Variants in SNRPD1 observed in about 807,000 individuals in gnomAD.
The protein encoded by SNRPD1 is small nuclear ribonucleoprotein D1 polypeptide.
Under a neutral mutation model 14.4 loss-of-function variants are expected in SNRPD1, and 1 was observed. The ratio of observed to expected loss-of-function variants is 0.07; its 90% confidence interval spans 0.02 to 0.33. The LOEUF (loss-of-function observed/expected upper bound fraction) is 0.33. SNRPD1 is among the 10% of genes least tolerant of loss of function. The probability of loss-of-function intolerance (pLI) is 1.00; values close to 1 mark genes in which losing one functional copy is unlikely to be tolerated. For synonymous variants in SNRPD1, 42 were observed against 50.3 expected (o/e 0.83, Z 0.70); for missense variants, 52 against 146.4 (o/e 0.36, Z 3.33).
At chr18:21,614,913 C>G (rs970534984) in intron 1 of SNRPD1, among the ~76,000 whole-genome samples, 2 of 152,214 alleles carry the variant, frequency 1.3e-5, no homozygotes, top group Non-Finnish European at 2.9e-5. Flanking sequence ...TCATTCCAGT[C>G]ACCACCATTA....
chr18:21,617,581 G>A (rs983527317), intron 1 of SNRPD1, among the ~76,000 whole-genome samples: 2 of 152,128 alleles, frequency 1.3e-5, no homozygotes, highest in African/African-American at 4.8e-5. Flanking sequence ...ATATGAGCCT[G>A]GTACTCCACT....
At chr18:21,612,940 C>G (rs1370325077) in intron 1 of SNRPD1, among the ~76,000 whole-genome samples, 1 of 152,180 alleles carries the variant, frequency 6.6e-6, no homozygotes, top group African/African-American at 2.4e-5. Context: ...TGGGCTCAAG[C>G]TTTCTGCCCG....
rs1349929445 is a variant in SNRPD1 at position 21,630,178 on chromosome 18, T to C, written c.*1040T>C. ...CTCCTATTAATGTGTAATGTACCTG[T>C]CAGTGCCTCCTTTATTAAGGGGTTC... On this transcript the variant is annotated 3_prime_UTR_variant, in exon 4 of 4. Transcript: ENST00000300413. 3 of 152,202 alleles carry C rather than the reference T, an allele frequency of 2.0e-5. No individual in the cohort carries two copies. The highest frequency in any genetic ancestry group is 4.4e-5 in the Non-Finnish European group (3 of 68,032). The allele number at this position is 152,202 out of a possible 1,614,324, so 9.4% of individuals were successfully genotyped here.
At chr18:21,619,012 TA>T (rs1436999588) in intron 1 of SNRPD1, among the ~76,000 whole-genome samples, 5 of 151,964 alleles carry the variant, frequency 3.3e-5, no homozygotes, top group Non-Finnish European at 7.3e-5. Context: ...ATTCAAAGTA[TA>T]TATTATAGAC....
intron 1 of SNRPD1, among the ~76,000 whole-genome samples, chr18:21,615,920 A>T (rs2038953890): frequency 6.6e-6 from 1 of 152,198 alleles, no homozygotes. Context: ...TTGTTTGCTC[A>T]GTCTTTAATT....
In SNRPD1 at chr18:21,612,323, C is replaced by A; in HGVS notation, c.-107C>A. 2.6e-6 allele frequency: 2 copies of A among 783,086 alleles called. No individual in the cohort carries two copies. Among genetic ancestry groups the A allele is most frequent in the Non-Finnish European group, 3.9e-6 (2 of 510,772 alleles). 48.5% of individuals were successfully genotyped at this position (783,086 alleles called of 1,614,324 possible). On this transcript the variant is annotated 5_prime_UTR_variant, in exon 1 of 4. Coordinates refer to ENST00000300413, the MANE Select transcript of SNRPD1 (RefSeq NM_006938.4). ...CAGTGCTCCGCGCGCTCTTGACGTCCGGAGCCCCTGGAGTAGGCGCTTCCG... is the reference window on the plus strand; with the variant it reads ...CAGTGCTCCGCGCGCTCTTGACGTCAGGAGCCCCTGGAGTAGGCGCTTCCG...
intron 1 of SNRPD1, among the ~76,000 whole-genome samples, chr18:21,620,301 T>C (rs1353811322): frequency 6.6e-6 from 1 of 151,952 alleles, no homozygotes; most frequent in Admixed American, 6.6e-5. Context: ...GGATCTTGCT[T>C]TGTTGACCAG....
intron 1 of SNRPD1, among the ~76,000 whole-genome samples, chr18:21,622,474 T>A (rs983134206): frequency 6.6e-6 from 1 of 152,174 alleles, no homozygotes; most frequent in African/African-American, 2.4e-5. Flanking sequence ...GAGTCTAAGA[T>A]CTTGTATGTC....
At position 21,631,651 on chromosome 18, in the gene SNRPD1, C is replaced by G. The variant is rs2039085737; in HGVS notation, c.*2513C>G. 2 of 151,936 alleles carry G rather than the reference C, an allele frequency of 1.3e-5. No individual in the cohort carries two copies. Among genetic ancestry groups the G allele is most frequent in the African/African-American group, 4.8e-5 (2 of 41,326 alleles). 9.4% of individuals were successfully genotyped at this position (151,936 alleles called of 1,614,324 possible). On this transcript the variant is annotated 3_prime_UTR_variant, in exon 4 of 4. Transcript: ENST00000300413. ...CGGGGTTTCACTGTGTTAGGATGGT[C>G]TCGTTCTCCTGACCTCATGATCTGC...
chr18:21,622,527 T>A (rs1044147767), intron 1 of SNRPD1, among the ~76,000 whole-genome samples, 198 bp from the exon 2 acceptor site: 2 of 152,216 alleles, frequency 1.3e-5, no homozygotes, highest in African/African-American at 4.8e-5. Context: ...AATGACAGTT[T>A]ATGTTAGTAT....
At chr18:21,621,034 G>T (rs1408279072) in intron 1 of SNRPD1, among the ~76,000 whole-genome samples, 2 of 151,964 alleles carry the variant, frequency 1.3e-5, no homozygotes, top group Non-Finnish European at 2.9e-5. Context: ...CAGGTGTGGT[G>T]GCGAGCGCCT....
intron 1 of SNRPD1, among the ~76,000 whole-genome samples, chr18:21,617,945 A>G (rs545716224): frequency 6.6e-6 from 1 of 152,258 alleles, no homozygotes; most frequent in Admixed American, 6.5e-5. Context: ...AGATTGCGCT[A>G]TTGCACTCCA....
At chr18:21,621,066 G>C (rs2038994003) in intron 1 of SNRPD1, among the ~76,000 whole-genome samples, 1 of 152,044 alleles carries the variant, frequency 6.6e-6, no homozygotes, top group Admixed American at 6.6e-5. Context: ...TACTCGGGAG[G>C]CTGAGGCAGG....
intron 1 of SNRPD1, among the ~76,000 whole-genome samples, chr18:21,619,183 T>C (rs1212616623): frequency 6.6e-6 from 1 of 152,106 alleles, no homozygotes; most frequent in African/African-American, 2.4e-5. Context: ...GATCAATTTT[T>C]TTTCGTTTGT....
Position 21,629,058 on chromosome 18 carries a change from T to A in SNRPD1, c.284-4T>A. The A allele has an allele frequency of 6.2e-7, 1 of 1,613,284 alleles. No individual in the cohort carries two copies. Among genetic ancestry groups the A allele is most frequent in the Admixed American group, 1.7e-5 (1 of 59,992 alleles). ...GAACTTGGTTTGTTTTTCTTTTCCTTCAGTTGCAGGAAGAGGCAGAGGAAG... is the reference window on the plus strand; with the variant it reads ...GAACTTGGTTTGTTTTTCTTTTCCTACAGTTGCAGGAAGAGGCAGAGGAAG... On this transcript the variant is annotated splice_polypyrimidine_tract_variant and splice_region_variant and intron_variant, in intron 3 of 3. Coordinates refer to ENST00000300413, the MANE Select transcript of SNRPD1 (RefSeq NM_006938.4).
intron 3 of SNRPD1, among the ~76,000 whole-genome samples, chr18:21,624,520 C>T (rs2039021435): frequency 6.6e-6 from 1 of 151,652 alleles, no homozygotes; most frequent in African/African-American, 2.4e-5. Context: ...GGCGAAACCC[C>T]CTCTCTACTA....
chr18:21,626,394 C>CAAA (rs774960503), intron 3 of SNRPD1, among the ~76,000 whole-genome samples: 32 of 50,984 alleles, frequency 6.3e-4, no homozygotes, highest in African/African-American at 6.7e-4. Context: ...ACCCTGTCGC[C>CAAA]AAAAAAAAAA....
chr18:21,622,213 C>G (rs1267546839), intron 1 of SNRPD1, among the ~76,000 whole-genome samples: 10 of 151,744 alleles, frequency 6.6e-5, no homozygotes, highest in African/African-American at 2.4e-4. Flanking sequence ...GATCTCGGCT[C>G]ACTGAGAGCT....
At chr18:21,620,834 G>C (rs965013253) in intron 1 of SNRPD1, among the ~76,000 whole-genome samples, 6 of 152,106 alleles carry the variant, frequency 3.9e-5, no homozygotes, top group African/African-American at 1.4e-4. Context: ...ATGTGAACAG[G>C]TAATTCACGG....
Sources: gnomAD v4.1 joint callset for allele counts (sites outside exome capture counted in the v4.1 genomes callset) on GRCh38, gnomAD v4.1.1 for gene constraint, MANE v1.5 for transcripts, NCBI Gene and HGNC (gene_info 2026-07-23, HGNC 2026-07-21) for gene names.